Variants in CLIP1 observed in about 807,000 individuals in gnomAD.
CLIP1 encodes CAP-Gly domain containing linker protein 1.
In CLIP1, 66 loss-of-function variants were observed where a neutral mutation model predicts 161.6. That is an observed-to-expected ratio of 0.41 (90% CI 0.33 to 0.50). CLIP1 has a LOEUF of 0.50. Among genes scored for constraint, CLIP1 ranks in the 20% least tolerant of loss-of-function variants. The pLI, the probability that CLIP1 is intolerant of heterozygous loss-of-function variation, is 0.27. For missense variants in CLIP1, 1,376 were observed against 1,702.0 expected (o/e 0.81, Z 3.37); for synonymous variants, 598 against 626.2 (o/e 0.96, Z 0.67).
At chr12:122,409,045 G>C (rs533758604) in intron 1 of CLIP1, among the ~76,000 whole-genome samples, 1 of 148,584 alleles carries the variant, frequency 6.7e-6, no homozygotes, top group Non-Finnish European at 1.5e-5. Context: ...TCCTGGCCTC[G>C]GGTGATCCGC....
At chr12:122,292,597 C>T (rs1189673323) in intron 20 of CLIP1, among the ~76,000 whole-genome samples, 1 of 152,172 alleles carries the variant, frequency 6.6e-6, no homozygotes, top group East Asian at 1.9e-4. Flanking sequence ...ATTTAGAAAA[C>T]AAGCTCTAGG....
chr12:122,398,026 T>C (rs1050654046), intron 1 of CLIP1, among the ~76,000 whole-genome samples: 2 of 151,876 alleles, frequency 1.3e-5, no homozygotes, highest in African/African-American at 2.4e-5. Context: ...TTATATGGTA[T>C]AGTGGCAAGC....
chr12:122,292,743 C>A (rs959705016), intron 20 of CLIP1, among the ~76,000 whole-genome samples: 1 of 152,128 alleles, frequency 6.6e-6, no homozygotes, highest in African/African-American at 2.4e-5. Context: ...GTGGCTCAAG[C>A]CTGTAATCCC....
intron 2 of CLIP1, among the ~76,000 whole-genome samples, chr12:122,378,805 G>T (rs546527323): frequency 6.6e-6 from 1 of 152,160 alleles, no homozygotes; most frequent in South Asian, 2.1e-4. Context: ...GACCAGCCCA[G>T]TCAACATGAT....
At chr12:122,363,910 A>G in intron 4 of CLIP1, 73 bp downstream of exon 4, 1 of 1,596,634 alleles carries the variant, frequency 6.3e-7, no homozygotes, top group Non-Finnish European at 8.6e-7. Context: ...GTTATGATAC[A>G]CGCTTGGTGA....
intron 10 of CLIP1, 55 bp from the exon 11 acceptor site, chr12:122,341,752 ATTTTCTTTTCTTTTTTTTTTTTTTTT>A: frequency 6.3e-6 from 1 of 159,390 alleles, no homozygotes; most frequent in Non-Finnish European, 1.2e-5. Context: ...GTCATTGACT[ATTTTCTTTTCTTTTTTTTTTTTTTTT>A]TTTTTTTTTT....
chr12:122,349,510 G>C (rs1416918619), intron 9 of CLIP1, among the ~76,000 whole-genome samples: 1 of 152,178 alleles, frequency 6.6e-6, no homozygotes, highest in Non-Finnish European at 1.5e-5. Flanking sequence ...GGCCAGGCTG[G>C]TCTCGAACTG....
intron 12 of CLIP1, 130 bp downstream of exon 12, chr12:122,336,502 A>G: frequency 1.6e-6 from 1 of 625,886 alleles, no homozygotes; most frequent in Non-Finnish European, 2.8e-6. Flanking sequence ...TCAGCCAATA[A>G]CTAATACACT....
intron 1 of CLIP1, among the ~76,000 whole-genome samples, chr12:122,387,568 ATATATATATATATATATATATATTTTT>A (rs1339296328): frequency 0.033 from 732 of 22,246 alleles, 18 homozygotes; most frequent in East Asian, 0.14. Flanking sequence ...ATATATATAT[ATATATATATATATATATATATATTTTT>A]TTTTTTTTTT....
At chr12:122,353,408 C>G (rs1953148452) in intron 7 of CLIP1, among the ~76,000 whole-genome samples, 1 of 152,114 alleles carries the variant, frequency 6.6e-6, no homozygotes, top group East Asian at 1.9e-4. Flanking sequence ...GGACAGACTG[C>G]TTGAGTTCAG....
chr12:122,363,125 C>A (rs905741337), intron 4 of CLIP1, among the ~76,000 whole-genome samples: 2 of 152,162 alleles, frequency 1.3e-5, no homozygotes, highest in African/African-American at 4.8e-5. Flanking sequence ...GCCTTCAAAA[C>A]ATTTTGAAAA....
At chr12:122,354,985 G>T in intron 6 of CLIP1, 130 bp downstream of exon 6, 1 of 784,442 alleles carries the variant, frequency 1.3e-6, no homozygotes, top group Middle Eastern at 2.4e-4. Flanking sequence ...AACAAGCACA[G>T]CAAAGAAATG....
intron 3 of CLIP1, among the ~76,000 whole-genome samples, chr12:122,371,083 T>C (rs1954429655): frequency 6.6e-6 from 1 of 152,198 alleles, no homozygotes; most frequent in Non-Finnish European, 1.5e-5. Context: ...TTAGCAAAGT[T>C]TGCTTTTTAA....
chr12:122,288,465 T>C (rs186021559), intron 21 of CLIP1, 24 bp downstream of exon 21: 8 of 1,590,398 alleles, frequency 5.0e-6, no homozygotes, highest in East Asian at 2.2e-5. Context: ...CACACACACA[T>C]ACAACAATAA....
At chr12:122,381,504 C>G (rs1421257186) in intron 1 of CLIP1, among the ~76,000 whole-genome samples, 1 of 152,088 alleles carries the variant, frequency 6.6e-6, no homozygotes, top group Non-Finnish European at 1.5e-5. Context: ...CTCTTCACCT[C>G]CATAGAAAGT....
intron 5 of CLIP1, 53 bp downstream of exon 5, chr12:122,360,906 G>C (rs756891225): frequency 2.8e-6 from 4 of 1,453,774 alleles, no homozygotes; most frequent in Non-Finnish European, 2.8e-6. Flanking sequence ...CACTGACCAC[G>C]GGCCTTAATC....
At chr12:122,350,761 T>A (rs1340943273) in intron 9 of CLIP1, among the ~76,000 whole-genome samples, 3 of 150,842 alleles carry the variant, frequency 2.0e-5, no homozygotes, top group African/African-American at 7.3e-5. Flanking sequence ...TCCAGCCAGA[T>A]ATCATCTCTT....
chr12:122,341,762 C>CCTTTTTTTTTTTTTT (rs1566143047), intron 10 of CLIP1, 65 bp from the exon 11 acceptor site: 9 of 96,030 alleles, frequency 9.4e-5, no homozygotes, highest in Middle Eastern at 2.2e-3. Flanking sequence ...ATTTTCTTTT[C>CCTTTTTTTTTTTTTT]TTTTTTTTTT....
chr12:122,418,065 G>GT (rs1956813819), intron 1 of CLIP1, among the ~76,000 whole-genome samples: 1 of 151,818 alleles, frequency 6.6e-6, no homozygotes, highest in South Asian at 2.1e-4. Context: ...TTCTCTGATT[G>GT]TTTTTTCTTT....
Sources: gnomAD v4.1 joint callset for allele counts (sites outside exome capture counted in the v4.1 genomes callset) on GRCh38, gnomAD v4.1.1 for gene constraint, MANE v1.5 for transcripts, NCBI Gene and HGNC (gene_info 2026-07-23, HGNC 2026-07-21) for gene names.